PTPN9: variants seen among roughly 807,000 people sequenced by gnomAD.
PTPN9 encodes tyrosine-protein phosphatase non-receptor type 9.
A neutral mutation model predicts 69.8 loss-of-function variants in PTPN9; 26 were observed. The ratio of observed to expected loss-of-function variants is 0.37; its 90% CI spans 0.27 to 0.52. The LOEUF is 0.52. PTPN9 is among the 20% of genes least tolerant of loss of function. The pLI is 0.91. For synonymous variants in PTPN9, 274 were observed against 272.5 expected (o/e 1.01, Z -0.05); for missense variants, 549 against 740.3 (o/e 0.74, Z 3.00).
At chr15:75,504,651 C>G (rs1456904784) in intron 7 of PTPN9, among the ~76,000 whole-genome samples, 1 of 143,206 alleles carries the variant, frequency 7.0e-6, no homozygotes, top group Non-Finnish European at 1.5e-5. Flanking sequence ...GGGGGGTCAG[C>G]CCCCCGCCCG....
intron 9 of PTPN9, among the ~76,000 whole-genome samples, chr15:75,476,663 G>A (rs567712034): frequency 3.9e-5 from 6 of 152,272 alleles, no homozygotes; most frequent in Admixed American, 1.3e-4. Context: ...ATAGATAAAG[G>A]TCTAGGAGGA....
chr15:75,565,397 A>C (rs933098049), intron 1 of PTPN9, among the ~76,000 whole-genome samples: 18 of 152,062 alleles, frequency 1.2e-4, no homozygotes, highest in Non-Finnish European at 1.5e-5. Context: ...CTAACTACAA[A>C]ATTTTTCAGA....
intron 7 of PTPN9, among the ~76,000 whole-genome samples, chr15:75,501,948 C>T (rs2074774833): frequency 6.6e-6 from 1 of 151,598 alleles, no homozygotes; most frequent in Non-Finnish European, 1.5e-5. Context: ...ACTTGAGCCT[C>T]GGAGTTTGAG....
chr15:75,504,126 T>TC (rs1567488466), intron 7 of PTPN9, among the ~76,000 whole-genome samples: 3 of 79,262 alleles, frequency 3.8e-5, no homozygotes, highest in Non-Finnish European at 7.5e-5. Context: ...GGGAGGGAGG[T>TC]GGGGAGGTCA....
chr15:75,567,013 T>C (rs1227748023), intron 1 of PTPN9, among the ~76,000 whole-genome samples: 1 of 151,164 alleles, frequency 6.6e-6, no homozygotes, highest in Non-Finnish European at 1.5e-5. Flanking sequence ...TAGCCCATTT[T>C]TTTTCTTTTT....
intron 9 of PTPN9, among the ~76,000 whole-genome samples, chr15:75,475,124 G>A (rs1206908839): frequency 6.6e-6 from 1 of 152,118 alleles, no homozygotes; most frequent in Non-Finnish European, 1.5e-5. Flanking sequence ...TACTTTGTGG[G>A]AATTAATGAT....
intron 1 of PTPN9, among the ~76,000 whole-genome samples, chr15:75,550,868 T>C (rs2075054085): frequency 6.6e-6 from 1 of 152,154 alleles, no homozygotes; most frequent in South Asian, 2.1e-4. Flanking sequence ...AGGCTGCTCT[T>C]GAACTAGGCT....
intron 1 of PTPN9, among the ~76,000 whole-genome samples, chr15:75,534,326 T>C (rs1046660532): frequency 6.6e-6 from 1 of 152,204 alleles, no homozygotes; most frequent in African/African-American, 2.4e-5. Flanking sequence ...CTTTAGTCTG[T>C]ATCAATGCAA....
chr15:75,504,501 G>A lies in PTPN9; in HGVS notation c.968+1174C>T, dbSNP rs1343815895. On this transcript the variant is annotated intron_variant, in intron 7 of 12. Transcript: ENST00000618819. ...AGGTGGAGGGGTCAGCCCCACGTCC[G>A]GGAGGGAGGTGGGGGGGGTCAGCCC... 4.3e-5 allele frequency among the ~76,000 whole-genome samples: 6 copies of A among 139,550 alleles called. No individual in the cohort carries two copies. The East Asian group carries it at 9.1e-4, about 21-fold the overall frequency. 91.6% of individuals were successfully genotyped at this position (139,550 alleles called of 152,430 possible).
At chr15:75,493,701 C>T (rs560738833) in intron 7 of PTPN9, among the ~76,000 whole-genome samples, 15 of 151,950 alleles carry the variant, frequency 9.9e-5, no homozygotes, top group Admixed American at 4.6e-4. Context: ...ATGGAGGTTG[C>T]AGTGAGCTGA....
intron 7 of PTPN9, among the ~76,000 whole-genome samples, chr15:75,504,770 C>T (rs1348869589): frequency 6.9e-5 from 10 of 144,726 alleles, no homozygotes; most frequent in Non-Finnish European, 1.2e-4. Context: ...CCCCTCTGCC[C>T]GGCCAGCCGC....
chr15:75,527,868 A>G (rs2074937710), intron 1 of PTPN9, among the ~76,000 whole-genome samples: 1 of 152,120 alleles, frequency 6.6e-6, no homozygotes, highest in Non-Finnish European at 1.5e-5. Flanking sequence ...AAAAAAAAGA[A>G]AGAAAGAAAA....
chr15:75,569,683 C>CAAA (rs747748643), intron 1 of PTPN9, among the ~76,000 whole-genome samples: 2 of 54,992 alleles, frequency 3.6e-5, no homozygotes, highest in African/African-American at 7.0e-5. Flanking sequence ...AACTCCATCT[C>CAAA]AAAAAAAAAA....
At chr15:75,513,027 G>C in intron 5 of PTPN9, 1 of 401,296 alleles carries the variant, frequency 2.5e-6, no homozygotes, top group Admixed American at 3.1e-5. Flanking sequence ...AAAGGTTTGG[G>C]ATTGAGGGGT....
At chr15:75,556,501 T>G (rs1365602058) in intron 1 of PTPN9, among the ~76,000 whole-genome samples, 1 of 151,788 alleles carries the variant, frequency 6.6e-6, no homozygotes, top group Non-Finnish European at 1.5e-5. Context: ...CTCAGCCTTC[T>G]GAGTAGCTGG....
In PTPN9 at chr15:75,468,829, G is replaced by C; in HGVS notation, c.1722C>G (p.Phe574Leu). ...YYFCYKAILE[F>L]AEKEGMVSSG... ...AGGATACCATGCCCTCCTTCTCTGC[G>C]AACTCCAGGATGGCCTTGTAGCAAA... is the stretch of plus-strand genomic sequence containing the variant. The change falls in exon 13 of 13, where the codon TTC (phenylalanine) becomes TTG (leucine). Residue 574 changes from phenylalanine (F) to leucine (L), a missense_variant. By Grantham distance (22) the Phe-to-Leu change is conservative. Coordinates refer to ENST00000618819, the MANE Select transcript of PTPN9 (RefSeq NM_002833.4). The C allele has an allele frequency of 6.2e-7, 1 of 1,614,110 alleles. No homozygotes were observed.
intron 5 of PTPN9, among the ~76,000 whole-genome samples, chr15:75,512,210 T>C (rs1364028992): frequency 1.3e-5 from 2 of 152,038 alleles, no homozygotes; most frequent in African/African-American, 4.8e-5. Context: ...ATTATGAATA[T>C]TCTTTTTTTT....
intron 1 of PTPN9, among the ~76,000 whole-genome samples, chr15:75,564,744 G>A (rs1278897068): frequency 6.6e-6 from 1 of 151,950 alleles, no homozygotes; most frequent in Non-Finnish European, 1.5e-5. Flanking sequence ...ATCCCTTGAG[G>A]CAAGGAATTT....
At chr15:75,494,505 A>G (rs1184590316) in intron 7 of PTPN9, among the ~76,000 whole-genome samples, 1 of 150,764 alleles carries the variant, frequency 6.6e-6, no homozygotes, top group African/African-American at 2.4e-5. Context: ...GGAGCCTGCC[A>G]CCATACCTGG....
Sources: allele counts gnomAD v4.1 joint callset (sites outside exome capture counted in the v4.1 genomes callset), GRCh38; gene constraint gnomAD v4.1.1; transcripts MANE v1.5; gene names NCBI Gene and HGNC (gene_info 2026-07-23, HGNC 2026-07-21).